MROH7: variants seen among roughly 807,000 people sequenced by gnomAD.
MROH7 encodes maestro heat-like repeat-containing protein family member 7.
A neutral mutation model predicts 129.2 loss-of-function variants in MROH7; 113 were observed. The observed-to-expected ratio is 0.87, with a 90% CI of 0.75 to 1.02. The LOEUF (loss-of-function observed/expected upper bound fraction) is 1.02, where lower values mean the gene tolerates loss of function less well. Ranked by LOEUF, MROH7 falls within the 50% of genes least tolerant of loss-of-function variation. MROH7 has a pLI of 0.00. For missense variants in MROH7, 1,601 were observed against 1,671.3 expected (o/e 0.96, Z 0.73); for synonymous variants, 655 against 667.9 (o/e 0.98, Z 0.30).
intron 7 of MROH7, among the ~76,000 whole-genome samples, chr1:54,672,608 G>T (rs962098993): frequency 1.3e-5 from 2 of 152,126 alleles, no homozygotes; most frequent in Non-Finnish European, 2.9e-5. Flanking sequence ...GCATTTCCCC[G>T]GAGATGATGA....
Position 54,673,082 on chromosome 1 carries a change from C to T in MROH7, c.1600-9C>T, listed in dbSNP as rs764926698. ...TGCCTTAGTGGCTTGGTCCTCCTCC[C>T]ATCCACAGGCTCTTTACCATCAGAC... On this transcript the variant is annotated splice_polypyrimidine_tract_variant and intron_variant, in intron 7 of 23. Transcript: ENST00000421030. 1 of 1,609,866 alleles carries T rather than the reference C, an allele frequency of 6.2e-7. No homozygotes were observed. Among genetic ancestry groups the T allele is most frequent in the Non-Finnish European group, 8.5e-7 (1 of 1,176,364 alleles).
chr1:54,672,310 T>C (rs992556110), intron 7 of MROH7, among the ~76,000 whole-genome samples: 2 of 152,030 alleles, frequency 1.3e-5, no homozygotes, highest in East Asian at 1.9e-4. Flanking sequence ...CAAGGACCAC[T>C]GGCTTCAGGG....
intron 14 of MROH7, 77 bp downstream of exon 14, chr1:54,682,871 A>G (rs188736950): frequency 4.4e-5 from 67 of 1,528,452 alleles, no homozygotes; most frequent in Admixed American, 1.9e-4. Flanking sequence ...TGAGCTAAGC[A>G]CACCCGGCCT....
chr1:54,707,416 C>T (rs144246286), intron 22 of MROH7, among the ~76,000 whole-genome samples: 11 of 152,300 alleles, frequency 7.2e-5, no homozygotes, highest in East Asian at 3.9e-4. Flanking sequence ...ATTTAGCAAA[C>T]GTTGATTCCG....
At chr1:54,706,400 G>A (rs1293447437) in intron 21 of MROH7, 35 bp from the exon 22 acceptor site, 3 of 1,532,980 alleles carry the variant, frequency 2.0e-6, no homozygotes, top group Non-Finnish European at 2.7e-6. Context: ...GTTCCTCTGA[G>A]AGGCCAGCAC....
rs893910743 is a variant in MROH7, at chr1:54,692,500, G to A, written c.2788G>A (p.Gly930Ser). ...SYETTFLEDQGGWELMEQVES... is the reference protein window; with the variant it reads ...SYETTFLEDQSGWELMEQVES... ...TGAGACCACGTTTCTGGAGGACCAG[G>A]GTGGCTGGGAGCTCATGGAGCAGGT... Residue 930 changes from glycine (G) to serine (S), a missense_variant, in exon 16 of 24, where the codon GGT (glycine) becomes AGT (serine). By Grantham distance (56) the Gly-to-Ser change is moderately conservative. Coordinates refer to ENST00000421030, the MANE Select transcript of MROH7 (RefSeq NM_001039464.4). The A allele has an allele frequency of 3.1e-6, 5 of 1,614,084 alleles. No individual in the cohort carries two copies. The highest frequency in any genetic ancestry group is 4.2e-6 in the Non-Finnish European group (5 of 1,180,026).
rs1264327797 is a variant in MROH7 at position 54,702,301 on chromosome 1, C to T, written c.3441+56C>T. The T allele has an allele frequency of 1.8e-5, 24 of 1,340,812 alleles. No individual in the cohort carries two copies. The South Asian group carries it at 4.3e-4, about 24-fold the overall frequency. 83.1% of individuals were successfully genotyped at this position (1,340,812 alleles called of 1,614,324 possible). A position where few individuals can be genotyped will look rare whatever the true frequency, so the allele number is the denominator to read the frequency against. ...CCCTCCCTCGGGTCCTGTGGGCGCA[C>T]CTCTTTTTACGTTAACCAAGCCAGA... On this transcript the variant is annotated intron_variant, in intron 20 of 23. Coordinates refer to ENST00000421030, the MANE Select transcript of MROH7 (RefSeq NM_001039464.4).
chr1:54,683,332 CA>C (rs747124337), intron 14 of MROH7, among the ~76,000 whole-genome samples: 73 of 152,262 alleles, frequency 4.8e-4, no homozygotes, highest in Middle Eastern at 3.4e-3. Flanking sequence ...TTAGGTGACA[CA>C]AAACACTTCT....
chr1:54,688,262 A>AAGT (rs1224383893), intron 15 of MROH7, among the ~76,000 whole-genome samples: 1 of 146,740 alleles, frequency 6.8e-6, no homozygotes, highest in African/African-American at 2.6e-5. Context: ...TTAGAGATGG[A>AAGT]AGTCTTGCCA....
At chr1:54,700,267 G>C (rs781651176) in intron 17 of MROH7, 54 bp from the exon 18 acceptor site, 8 of 1,611,348 alleles carry the variant, frequency 5.0e-6, no homozygotes, top group Non-Finnish European at 6.8e-6. Context: ...TGGGAGGCCA[G>C]GGGGCTGCCC....
intron 17 of MROH7, chr1:54,697,479 T>C (rs1042392393): frequency 3.8e-6 from 2 of 523,558 alleles, no homozygotes; most frequent in Non-Finnish European, 6.9e-6. Context: ...AGAGCAAACC[T>C]GGCCTTGGGG....
At chr1:54,672,338 A>G (rs1277988116) in intron 7 of MROH7, among the ~76,000 whole-genome samples, 1 of 151,962 alleles carries the variant, frequency 6.6e-6, no homozygotes, top group South Asian at 2.1e-4. Flanking sequence ...AGACTCAGGG[A>G]GTCTAGACAA....
chr1:54,666,425 ATTTTT>A lies in MROH7; in HGVS notation c.1305+1208_1305+1212del, dbSNP rs71048704. On this transcript the variant is annotated intron_variant, in intron 4 of 23. Coordinates refer to ENST00000421030, the MANE Select transcript of MROH7 (RefSeq NM_001039464.4). ...GGTTATAGGAGGCGGGAGAAGAGGA[ATTTTT>A]TTTTTTTTTTTTTTTTTTTTTTGAG... Among the ~76,000 whole-genome samples, 249 of 69,232 alleles carry A rather than the reference ATTTTT, an allele frequency of 3.6e-3. 3 individuals carry two copies. Among genetic ancestry groups the A allele is most frequent in the African/African-American group, 0.012 (240 of 20,040 alleles). 45.4% of individuals were successfully genotyped at this position (69,232 alleles called of 152,430 possible).
intron 21 of MROH7, 58 bp from the exon 22 acceptor site, chr1:54,706,377 G>A: frequency 9.5e-6 from 12 of 1,267,626 alleles, no homozygotes; most frequent in South Asian, 1.2e-5. Context: ...CAAGAAGGGT[G>A]GATGGGCAAT....
intron 14 of MROH7, 58 bp downstream of exon 14, chr1:54,682,852 C>G: frequency 6.3e-7 from 1 of 1,577,288 alleles, no homozygotes; most frequent in Admixed American, 1.7e-5. Flanking sequence ...CTCTCTCCTT[C>G]CCTCCTGCTG....
intron 5 of MROH7, among the ~76,000 whole-genome samples, 188 bp downstream of exon 5, chr1:54,669,125 G>A (rs1317262454): frequency 1.3e-5 from 2 of 152,138 alleles, no homozygotes; most frequent in Non-Finnish European, 2.9e-5. Flanking sequence ...AGGGAGCTCA[G>A]GCAAGTTCTG....
intron 4 of MROH7, among the ~76,000 whole-genome samples, chr1:54,666,670 C>T (rs920303233): frequency 3.3e-5 from 5 of 151,622 alleles, no homozygotes; most frequent in South Asian, 2.1e-4. Context: ...TGGTCTTGAA[C>T]TCCTGAGCTC....
intron 21 of MROH7, 134 bp from the exon 22 acceptor site, chr1:54,706,301 G>T: frequency 1.5e-6 from 1 of 677,908 alleles, no homozygotes. Context: ...CTGGCCTGTG[G>T]GGGACTCATG....
intron 4 of MROH7, chr1:54,665,597 G>A (rs1357188348): frequency 5.7e-6 from 1 of 175,942 alleles, no homozygotes; most frequent in Non-Finnish European, 1.2e-5. Flanking sequence ...TCTAGAAGTG[G>A]CCTTTTTTCA....
Sources: allele counts gnomAD v4.1 joint callset (sites outside exome capture counted in the v4.1 genomes callset), GRCh38; gene constraint gnomAD v4.1.1; transcripts MANE v1.5; gene names NCBI Gene and HGNC (gene_info 2026-07-23, HGNC 2026-07-21).